The following LRMDA variants were observed in gnomAD, a reference collection of about 807,000 sequenced individuals.
LRMDA encodes the protein leucine rich melanocyte differentiation associated.
Under a neutral mutation model 29.8 loss-of-function variants are expected in LRMDA, and 18 were observed. The observed-to-expected ratio is 0.60, with a 90% CI of 0.42 to 0.90. LRMDA has a LOEUF of 0.90. LRMDA is among the 40% of genes least tolerant of loss of function. The pLI is 0.00. For synonymous variants in LRMDA, 125 were observed against 109.4 expected (o/e 1.14, Z -0.89); for missense variants, 273 against 273.9 (o/e 1.00, Z 0.02).
intron 2 of LRMDA, among the ~76,000 whole-genome samples, chr10:76,024,554 A>C (rs1848029817): frequency 6.6e-6 from 1 of 152,232 alleles, no homozygotes; most frequent in Non-Finnish European, 1.5e-5. Context: ...TCTGGGACAG[A>C]AAACGTGTTT....
At chr10:76,464,286 C>T (rs534286838) in intron 6 of LRMDA, among the ~76,000 whole-genome samples, 2 of 152,090 alleles carry the variant, frequency 1.3e-5, no homozygotes, top group Non-Finnish European at 1.5e-5. Flanking sequence ...AGGGTATTCC[C>T]GGAAGAGAGA....
intron 2 of LRMDA, among the ~76,000 whole-genome samples, chr10:75,889,166 A>G (rs1845440867): frequency 6.6e-6 from 1 of 152,220 alleles, no homozygotes. Flanking sequence ...AGACAAAATC[A>G]GCCTGTGTGC....
intron 6 of LRMDA, among the ~76,000 whole-genome samples, chr10:76,538,406 G>A (rs1260003703): frequency 1.4e-5 from 2 of 146,890 alleles, no homozygotes; most frequent in Non-Finnish European, 3.0e-5. Flanking sequence ...TGAGTTTATT[G>A]ATTTTATTTT....
chr10:76,339,586 T>C (rs1841012007), intron 6 of LRMDA, among the ~76,000 whole-genome samples: 1 of 151,772 alleles, frequency 6.6e-6, no homozygotes, highest in Non-Finnish European at 1.5e-5. Flanking sequence ...ATAAAAACAA[T>C]GTACAATATA....
intron 5 of LRMDA, among the ~76,000 whole-genome samples, chr10:76,176,470 A>G (rs1206526576): frequency 6.6e-6 from 1 of 152,196 alleles, no homozygotes; most frequent in Admixed American, 6.5e-5. Flanking sequence ...GAAATAATAC[A>G]GTAAAATCAT....
chr10:76,067,312 G>A (rs1222491768), intron 5 of LRMDA, among the ~76,000 whole-genome samples: 1 of 152,126 alleles, frequency 6.6e-6, no homozygotes, highest in Non-Finnish European at 1.5e-5. Context: ...GACTAAGATG[G>A]AGCCTTTATT....
At chr10:75,597,151 C>T (rs141517086) in intron 2 of LRMDA, among the ~76,000 whole-genome samples, 1 of 152,230 alleles carries the variant, frequency 6.6e-6, no homozygotes, top group East Asian at 1.9e-4. Context: ...GCCTAAAAAT[C>T]ATCTCCAAAT....
Position 75,653,527 on chromosome 10 carries a change from G to A in LRMDA, c.131+215033G>A, listed in dbSNP as rs117287887. On this transcript the variant is annotated intron_variant, in intron 2 of 6. Coordinates refer to ENST00000611255, the MANE Select transcript of LRMDA (RefSeq NM_001305581.2). ...GTGGGGAGTGAGAGAGAGTTGCAGG[G>A]TAACAATGTAAATATCCAGTTGAAT... Among the ~76,000 whole-genome samples the A allele has an allele frequency of 7.2e-3, 1,103 of 152,264 alleles. 8 individuals are homozygous for A. Among genetic ancestry groups the A allele is most frequent in the Non-Finnish European group, 0.011 (770 of 68,014 alleles).
At chr10:75,461,940 T>C (rs1048505081) in intron 2 of LRMDA, among the ~76,000 whole-genome samples, 1 of 152,228 alleles carries the variant, frequency 6.6e-6, no homozygotes, top group Non-Finnish European at 1.5e-5. Flanking sequence ...ATTTTCAGCT[T>C]TTCCTTTGCA....
chr10:76,521,655 G>GT (rs1206979624), intron 6 of LRMDA, among the ~76,000 whole-genome samples: 1 of 152,170 alleles, frequency 6.6e-6, no homozygotes, highest in Admixed American at 6.5e-5. Flanking sequence ...CTCTTGAAAT[G>GT]TTTTTTCAGG....
intron 5 of LRMDA, among the ~76,000 whole-genome samples, chr10:76,160,443 T>A (rs959682373): frequency 6.6e-6 from 1 of 151,990 alleles, no homozygotes. Flanking sequence ...ATATTTAAAA[T>A]TTTTTTTCTT....
At chr10:76,451,848 G>A (rs1842410358) in intron 6 of LRMDA, among the ~76,000 whole-genome samples, 1 of 151,704 alleles carries the variant, frequency 6.6e-6, no homozygotes, top group Admixed American at 6.6e-5. Flanking sequence ...GTTGAGATGG[G>A]GTTTCTCCAT....
In LRMDA at chr10:76,219,447, A is replaced by G. The variant is rs532629634; in HGVS notation, c.517-104954A>G. 4.4e-4 allele frequency among the ~76,000 whole-genome samples: 67 copies of G among 152,312 alleles called. 1 individual carries two copies. The highest frequency in any genetic ancestry group is 1.3e-3 in the African/African-American group (55 of 41,588). On this transcript the variant is annotated intron_variant, in intron 5 of 6. Coordinates refer to ENST00000611255, the MANE Select transcript of LRMDA (RefSeq NM_001305581.2). ...CTACCAAGCAAATGGAAAACAAAAA[A>G]AAGGCAGGGGTTGCAATCCTAGTCT...
chr10:76,388,865 T>G (rs937298112), intron 6 of LRMDA, among the ~76,000 whole-genome samples: 1 of 152,200 alleles, frequency 6.6e-6, no homozygotes, highest in Non-Finnish European at 1.5e-5. Context: ...GAATCTGAAG[T>G]CATGGAGCTA....
intron 6 of LRMDA, among the ~76,000 whole-genome samples, chr10:76,432,642 AT>A (rs1466029819): frequency 7.9e-5 from 12 of 152,184 alleles, no homozygotes; most frequent in Admixed American, 7.2e-4. Context: ...AAAAAATTTT[AT>A]TGTCTAATGT....
chr10:76,214,153 A>C (rs991755413), intron 5 of LRMDA, among the ~76,000 whole-genome samples: 3 of 152,088 alleles, frequency 2.0e-5, no homozygotes, highest in African/African-American at 7.2e-5. Context: ...AATATAGCAC[A>C]AAAGCTACTG....
intron 5 of LRMDA, among the ~76,000 whole-genome samples, chr10:76,227,607 C>G (rs1462297304): frequency 6.6e-6 from 1 of 152,118 alleles, no homozygotes; most frequent in Admixed American, 6.6e-5. Flanking sequence ...AATTGTAAAG[C>G]CATTCTTGTA....
intron 2 of LRMDA, among the ~76,000 whole-genome samples, chr10:75,723,756 T>C (rs1842597756): frequency 6.6e-6 from 1 of 152,226 alleles, no homozygotes; most frequent in Admixed American, 6.5e-5. Context: ...AAAATTGCAC[T>C]GATGTATGGT....
chr10:76,073,361 C>CCTTTTCTAAATGTGTTT (rs1848904895), intron 5 of LRMDA, among the ~76,000 whole-genome samples: 1 of 152,022 alleles, frequency 6.6e-6, no homozygotes, highest in Non-Finnish European at 1.5e-5. Context: ...TAAATGTGTT[C>CCTTTTCTAAATGTGTTT]TTGATGTGTT....
Sources: allele counts gnomAD v4.1 joint callset (sites outside exome capture counted in the v4.1 genomes callset), GRCh38; gene constraint gnomAD v4.1.1; transcripts MANE v1.5; gene names NCBI Gene and HGNC (gene_info 2026-07-23, HGNC 2026-07-21).